CADM2: variants seen among roughly 807,000 people sequenced by gnomAD.
The protein encoded by CADM2 is immunoglobulin superfamily member 4D.
In CADM2, 12 loss-of-function variants were observed where a neutral mutation model predicts 49.8. The ratio of observed to expected loss-of-function variants is 0.24; its 90% CI spans 0.15 to 0.39. The LOEUF (loss-of-function observed/expected upper bound fraction) is 0.39. Ranked by LOEUF, CADM2 falls within the 10% of genes least tolerant of loss-of-function variation. The probability of loss-of-function intolerance (pLI) is 1.00; values close to 1 mark genes in which losing one functional copy is unlikely to be tolerated. For missense variants in CADM2, 378 were observed against 492.3 expected (o/e 0.77, Z 2.20); for synonymous variants, 214 against 175.4 (o/e 1.22, Z -1.74).
chr3:84,975,687 A>G (rs1453805754), intron 1 of CADM2, among the ~76,000 whole-genome samples: 1 of 151,836 alleles, frequency 6.6e-6, no homozygotes, highest in Non-Finnish European at 1.5e-5. Flanking sequence ...AGGAAACTCA[A>G]CATTATAGAG....
chr3:85,248,285 C>CT (rs2042694211), intron 1 of CADM2, among the ~76,000 whole-genome samples: 2 of 151,344 alleles, frequency 1.3e-5, no homozygotes, highest in African/African-American at 4.9e-5. Context: ...TTTTTTTTAA[C>CT]TTTTTTTGAG....
chr3:84,978,413 C>A (rs1248714133), intron 1 of CADM2, among the ~76,000 whole-genome samples: 2 of 151,986 alleles, frequency 1.3e-5, no homozygotes. Context: ...GAACAGAAAC[C>A]AAATTAACAC....
intron 1 of CADM2, among the ~76,000 whole-genome samples, chr3:85,630,948 G>A (rs951784366): frequency 2.0e-5 from 3 of 151,494 alleles, no homozygotes; most frequent in African/African-American, 4.8e-5. Flanking sequence ...ACCTTCCTAC[G>A]GCTATAAGAC....
At chr3:85,728,147 T>C (rs770646423) in intron 2 of CADM2, among the ~76,000 whole-genome samples, 16 of 152,194 alleles carry the variant, frequency 1.1e-4, no homozygotes, top group Non-Finnish European at 2.9e-5. Context: ...TGGAGAATTA[T>C]AGTCATAAAT....
chr3:85,071,903 G>T (rs972833247), intron 1 of CADM2, among the ~76,000 whole-genome samples: 5 of 151,242 alleles, frequency 3.3e-5, no homozygotes, highest in African/African-American at 1.2e-4. Context: ...GGTCATTCTG[G>T]TTGTTATTTT....
chr3:85,659,564 G>T (rs764402859), intron 1 of CADM2, among the ~76,000 whole-genome samples: 1 of 152,062 alleles, frequency 6.6e-6, no homozygotes, highest in East Asian at 1.9e-4. Flanking sequence ...CAGGCTATTA[G>T]AAATTTTCAT....
At chr3:85,232,510 C>T (rs560937710) in intron 1 of CADM2, among the ~76,000 whole-genome samples, 8 of 152,158 alleles carry the variant, frequency 5.3e-5, no homozygotes, top group African/African-American at 1.9e-4. Flanking sequence ...ATTTTCAGAG[C>T]ACCTATATCA....
chr3:85,501,095 C>T (rs1256856316), intron 1 of CADM2, among the ~76,000 whole-genome samples: 1 of 152,048 alleles, frequency 6.6e-6, no homozygotes, highest in Non-Finnish European at 1.5e-5. Flanking sequence ...AGATTACCAA[C>T]CAAAAATCTG....
intron 1 of CADM2, among the ~76,000 whole-genome samples, chr3:85,407,380 C>T (rs1329453417): frequency 6.6e-6 from 1 of 152,094 alleles, no homozygotes; most frequent in Non-Finnish European, 1.5e-5. Context: ...CCCTATTTAC[C>T]TTGGCTTTAT....
At chr3:84,965,740 AG>A (rs1167810754) in intron 1 of CADM2, among the ~76,000 whole-genome samples, 2 of 152,204 alleles carry the variant, frequency 1.3e-5, no homozygotes, top group Non-Finnish European at 2.9e-5. Context: ...GTAAGGAGTT[AG>A]TCCTTTAATC....
At chr3:85,357,944 G>A (rs549781820) in intron 1 of CADM2, among the ~76,000 whole-genome samples, 3 of 152,184 alleles carry the variant, frequency 2.0e-5, no homozygotes, top group East Asian at 3.9e-4. Flanking sequence ...AATCATGGCC[G>A]TAGGTGGACT....
intron 1 of CADM2, among the ~76,000 whole-genome samples, chr3:85,158,812 G>A (rs957858803): frequency 7.9e-5 from 12 of 151,732 alleles, no homozygotes; most frequent in African/African-American, 2.9e-4. Context: ...TGCACATTGT[G>A]CACATGTACC....
intron 1 of CADM2, among the ~76,000 whole-genome samples, chr3:85,655,888 C>T (rs1339507953): frequency 1.3e-5 from 2 of 152,090 alleles, no homozygotes; most frequent in Admixed American, 1.3e-4. Context: ...TGCAGCTGGT[C>T]CAAGGACCTC....
intron 1 of CADM2, among the ~76,000 whole-genome samples, chr3:85,505,779 C>A (rs1267004195): frequency 6.6e-6 from 1 of 152,150 alleles, no homozygotes. Flanking sequence ...ATATTGGAAA[C>A]ATTAAGAATG....
intron 1 of CADM2, among the ~76,000 whole-genome samples, chr3:85,035,679 G>A (rs1429007078): frequency 6.6e-6 from 1 of 152,022 alleles, no homozygotes; most frequent in African/African-American, 2.4e-5. Context: ...TGAAGAGACT[G>A]TTCTTTCCCT....
chr3:85,427,144 C>T (rs1282718601), intron 1 of CADM2, among the ~76,000 whole-genome samples: 2 of 143,892 alleles, frequency 1.4e-5, no homozygotes, highest in East Asian at 2.0e-4. Flanking sequence ...AAACATTACT[C>T]ACTGATGTAT....
At chr3:85,157,876 A>G (rs2040188744) in intron 1 of CADM2, among the ~76,000 whole-genome samples, 1 of 152,236 alleles carries the variant, frequency 6.6e-6, no homozygotes, top group Admixed American at 6.5e-5. Context: ...TGCGCAGCAA[A>G]ACAAACTACC....
chr3:85,345,663 G>A (rs1435757732), intron 1 of CADM2, among the ~76,000 whole-genome samples: 1 of 152,186 alleles, frequency 6.6e-6, no homozygotes, highest in South Asian at 2.1e-4. Flanking sequence ...GTTTGGGATT[G>A]AAGGATACAT....
At chr3:85,001,372 C>A (rs1334668159) in intron 1 of CADM2, among the ~76,000 whole-genome samples, 1 of 149,910 alleles carries the variant, frequency 6.7e-6, no homozygotes, top group Non-Finnish European at 1.5e-5. Context: ...TCTATCTATC[C>A]ATCTATCCAT....
Sources: gnomAD v4.1 joint callset for allele counts (sites outside exome capture counted in the v4.1 genomes callset) on GRCh38, gnomAD v4.1.1 for gene constraint, MANE v1.5 for transcripts, NCBI Gene and HGNC (gene_info 2026-07-23, HGNC 2026-07-21) for gene names.